FHIT: variants seen among roughly 807,000 people sequenced by gnomAD.
FHIT encodes bis(5'-adenosyl)-triphosphatase.
FHIT carries 19 observed loss-of-function variants against 17.9 expected under a neutral mutation model. The observed-to-expected ratio is 1.06, with a 90% CI of 0.74 to 1.56. FHIT has a LOEUF of 1.56. Among genes scored for constraint, FHIT ranks in the 40% most tolerant of loss-of-function variants. The pLI is 0.00. For missense variants in FHIT, 248 were observed against 189.2 expected (o/e 1.31, Z -1.82); for synonymous variants, 81 against 69.7 (o/e 1.16, Z -0.81).
chr3:60,334,349 C>A (rs1710132746), intron 5 of FHIT, among the ~76,000 whole-genome samples: 1 of 152,106 alleles, frequency 6.6e-6, no homozygotes, highest in Non-Finnish European at 1.5e-5. Context: ...AGGCTCAGAC[C>A]AATTTTAAAG....
chr3:59,802,446 T>G (rs1199438545), intron 8 of FHIT, among the ~76,000 whole-genome samples: 3 of 152,134 alleles, frequency 2.0e-5, no homozygotes, highest in Admixed American at 1.3e-4. Context: ...ACAAAAGAAG[T>G]GAAAATGGCC....
intron 4 of FHIT, among the ~76,000 whole-genome samples, chr3:60,588,796 T>C (rs2037988225): frequency 6.6e-6 from 1 of 152,056 alleles, no homozygotes; most frequent in South Asian, 2.1e-4. Context: ...ATTACAGGTG[T>C]GAGCCATCAT....
chr3:61,037,383 T>G (rs545469645), intron 3 of FHIT, among the ~76,000 whole-genome samples: 2 of 152,270 alleles, frequency 1.3e-5, no homozygotes, highest in South Asian at 2.1e-4. Flanking sequence ...AGAAAAATAA[T>G]AGTGTTTCCC....
chr3:60,657,529 T>C (rs1347283844), intron 4 of FHIT, among the ~76,000 whole-genome samples: 3 of 152,170 alleles, frequency 2.0e-5, no homozygotes, highest in African/African-American at 7.2e-5. Flanking sequence ...GGTGAAATGA[T>C]GGTAAGTCAC....
At chr3:60,958,216 A>G (rs1383016575) in intron 3 of FHIT, among the ~76,000 whole-genome samples, 1 of 152,202 alleles carries the variant, frequency 6.6e-6, no homozygotes, top group Non-Finnish European at 1.5e-5. Context: ...GATTTTCTCA[A>G]TATACCTGTA....
chr3:60,695,872 A>T (rs2107896449), intron 4 of FHIT, among the ~76,000 whole-genome samples: 1 of 152,326 alleles, frequency 6.6e-6, no homozygotes, highest in East Asian at 1.9e-4. Context: ...TTAAAGAGTT[A>T]ATATTTGTTA....
At chr3:59,918,745 G>A (rs1705260887) in intron 8 of FHIT, among the ~76,000 whole-genome samples, 1 of 152,210 alleles carries the variant, frequency 6.6e-6, no homozygotes, top group Non-Finnish European at 1.5e-5. Flanking sequence ...CTAGGTAGAA[G>A]GCAGTCGTGG....
At chr3:60,092,309 C>T (rs753605379) in intron 5 of FHIT, among the ~76,000 whole-genome samples, 21 of 152,164 alleles carry the variant, frequency 1.4e-4, no homozygotes, top group Admixed American at 3.9e-4. Context: ...GATCTACAGT[C>T]TTTGTATGAC....
At chr3:61,008,263 T>G (rs920849134) in intron 3 of FHIT, among the ~76,000 whole-genome samples, 1 of 152,132 alleles carries the variant, frequency 6.6e-6, no homozygotes, top group Non-Finnish European at 1.5e-5. Flanking sequence ...TAAGCACAAG[T>G]TGGGGATGGA....
At chr3:60,554,142 G>C (rs976760735) in intron 4 of FHIT, among the ~76,000 whole-genome samples, 1 of 151,750 alleles carries the variant, frequency 6.6e-6, no homozygotes, top group Non-Finnish European at 1.5e-5. Flanking sequence ...GAATAAAAAG[G>C]AAACAGATTT....
At chr3:60,496,359 T>C (rs931168028) in intron 5 of FHIT, among the ~76,000 whole-genome samples, 6 of 152,144 alleles carry the variant, frequency 3.9e-5, no homozygotes, top group South Asian at 2.1e-4. Flanking sequence ...ACACAAGCAA[T>C]TGACAAAAAG....
At chr3:59,921,453 A>T (rs143237389) in intron 8 of FHIT, among the ~76,000 whole-genome samples, 138 of 152,218 alleles carry the variant, frequency 9.1e-4, no homozygotes, top group African/African-American at 3.3e-3. Flanking sequence ...GAATGTCAAA[A>T]AGACGGCAAA....
At chr3:60,537,634 C>T (rs898243909) in intron 4 of FHIT, among the ~76,000 whole-genome samples, 14 of 152,114 alleles carry the variant, frequency 9.2e-5, no homozygotes, top group Admixed American at 3.3e-4. Flanking sequence ...AAATGTTCTG[C>T]GTCTTCCTTT....
chr3:60,941,896 T>G (rs1331570059), intron 3 of FHIT, among the ~76,000 whole-genome samples: 1 of 152,238 alleles, frequency 6.6e-6, no homozygotes, highest in Non-Finnish European at 1.5e-5. Flanking sequence ...GTAACCTTTG[T>G]TGATCTGCCC....
intron 3 of FHIT, among the ~76,000 whole-genome samples, chr3:61,003,748 A>C (rs1223229532): frequency 1.3e-5 from 2 of 152,278 alleles, no homozygotes; most frequent in Non-Finnish European, 2.9e-5. Context: ...TTCAAATTAA[A>C]ACCAGATCAG....
Position 60,525,224 on chromosome 3 carries a change from C to G in FHIT, c.103+11636G>C, listed in dbSNP as rs189261206. Among the ~76,000 whole-genome samples, 57 of 152,168 alleles carry G rather than the reference C, an allele frequency of 3.7e-4. No individual in the cohort carries two copies. In the East Asian group the frequency reaches 0.01, roughly 28 times the overall value. On this transcript the variant is annotated intron_variant, in intron 5 of 9. Transcript: ENST00000492590. ...GATACTTTGTTGGCTTAAGAGCATG[C>G]CAAATTTAGATTAGAAATGAAAATG... is the stretch of plus-strand genomic sequence containing the variant.
chr3:60,765,944 G>C lies in FHIT; in HGVS notation c.-18+55975C>G, dbSNP rs547856038. Among the ~76,000 whole-genome samples, 36 of 152,192 alleles carry C rather than the reference G, an allele frequency of 2.4e-4. 2 individuals are homozygous for C. In the South Asian group the frequency reaches 7.3e-3, roughly 31 times the overall value. Reference sequence around the variant, plus strand: ...CAGATTCCAGGTTCTTCAGCCTTTGGAACTCAGGAACTTGCAACAGTGGCT... The same window carrying C: ...CAGATTCCAGGTTCTTCAGCCTTTGCAACTCAGGAACTTGCAACAGTGGCT... On this transcript the variant is annotated intron_variant, in intron 4 of 9. Transcript: ENST00000492590.
intron 5 of FHIT, among the ~76,000 whole-genome samples, chr3:60,063,316 A>G (rs192833371): frequency 1.7e-3 from 257 of 152,344 alleles, no homozygotes; most frequent in Middle Eastern, 3.4e-3. Context: ...GAGACTGAAT[A>G]TAAGCAAAAT....
chr3:60,963,173 C>T (rs531369058), intron 3 of FHIT, among the ~76,000 whole-genome samples: 70 of 152,038 alleles, frequency 4.6e-4, no homozygotes, highest in African/African-American at 1.7e-3. Context: ...TGTATGTGTC[C>T]GGGAATTTAT....
Sources: allele counts gnomAD v4.1 joint callset (sites outside exome capture counted in the v4.1 genomes callset), GRCh38; gene constraint gnomAD v4.1.1; transcripts MANE v1.5; gene names NCBI Gene and HGNC (gene_info 2026-07-23, HGNC 2026-07-21).